The following REEP3 variants were observed in gnomAD, a reference collection of about 807,000 sequenced individuals.
The protein encoded by REEP3 is receptor expression-enhancing protein 3.
Under a neutral mutation model 41.3 loss-of-function variants are expected in REEP3, and 20 were observed. The ratio of observed to expected loss-of-function variants is 0.48; its 90% confidence interval spans 0.34 to 0.70. The LOEUF is 0.70. REEP3 is among the 30% of genes least tolerant of loss of function. REEP3 has a pLI of 0.01. For missense variants in REEP3, 271 were observed against 308.8 expected (o/e 0.88, Z 0.92); for synonymous variants, 104 against 101.8 (o/e 1.02, Z -0.13).
At chr10:63,547,262 TG>T (rs1460462925) in intron 1 of REEP3, among the ~76,000 whole-genome samples, 1 of 152,054 alleles carries the variant, frequency 6.6e-6, no homozygotes, top group East Asian at 1.9e-4. Context: ...ACCTTAAACA[TG>T]ATACAGAAAA....
intron 2 of REEP3, among the ~76,000 whole-genome samples, chr10:63,570,023 T>G (rs1386574732): frequency 1.3e-5 from 2 of 152,172 alleles, no homozygotes; most frequent in Non-Finnish European, 1.5e-5. Flanking sequence ...TTCAATTTTG[T>G]TAATATTAAT....
Position 63,620,860 on chromosome 10 carries a change from G to T in REEP3, c.759G>T (p.Val253=), listed in dbSNP as rs543247723. 6.2e-7 allele frequency: 1 copy of T among 1,605,432 alleles called. No individual in the cohort carries two copies. Among genetic ancestry groups the T allele is most frequent in the Admixed American group, 1.7e-5 (1 of 59,716 alleles). The stretch of plus-strand genomic sequence containing the variant: ...ACAAAGTGAAGAAACGACCACAAGT[G>T]TATTTTTAGTCATCTACACGTCAAA... ...LKYKVKKRPQ[V]YF Residue 253 remains valine (V), a synonymous_variant, in exon 8 of 8, where the codon GTG becomes GTT. Transcript: ENST00000373758.
At chr10:63,560,386 T>G (rs1397350072) in intron 1 of REEP3, among the ~76,000 whole-genome samples, 1 of 152,212 alleles carries the variant, frequency 6.6e-6, no homozygotes, top group Non-Finnish European at 1.5e-5. Flanking sequence ...TATATCAGAC[T>G]TGTTTGGTTA....
At chr10:63,614,862 G>A (rs1956301049) in intron 6 of REEP3, among the ~76,000 whole-genome samples, 2 of 152,122 alleles carry the variant, frequency 1.3e-5, no homozygotes, top group Admixed American at 1.3e-4. Flanking sequence ...ATTCCCTTTA[G>A]CTCAGCAAGA....
rs1956150083 is a variant in REEP3, at chr10:63,599,250, T to A, written c.384T>A (p.Leu128=). ...ACTTTGGACGGCAAGGTTTAAACCT[T>A]GCAGCTACTGCTGCTGTTACTGCAG... The part of the protein sequence containing the change: ...MVNFGRQGLN[L]AATAAVTAAV... The change falls in exon 5 of 8, where the codon CTT becomes CTA. Residue 128 remains leucine, a synonymous_variant. Transcript: ENST00000373758. 3.2e-6 allele frequency: 5 copies of A among 1,564,926 alleles called. No homozygotes were observed. Among genetic ancestry groups the A allele is most frequent in the Non-Finnish European group, 4.3e-6 (5 of 1,156,182 alleles).
At chr10:63,619,617 C>A in intron 6 of REEP3, 38 bp from the exon 7 acceptor site, 1 of 1,571,518 alleles carries the variant, frequency 6.4e-7, no homozygotes, top group East Asian at 2.3e-5. Flanking sequence ...GACTGGTGTC[C>A]TTTTACCAAA....
chr10:63,604,775 A>T (rs1956208173), intron 5 of REEP3, among the ~76,000 whole-genome samples: 1 of 152,106 alleles, frequency 6.6e-6, no homozygotes, highest in African/African-American at 2.4e-5. Flanking sequence ...GTTAATCTGG[A>T]TTTTTTTTAG....
intron 1 of REEP3, among the ~76,000 whole-genome samples, chr10:63,549,567 GAGAAAAGCTGCTGATCTAAGTAAC>G (rs1955609095): frequency 6.6e-6 from 1 of 152,158 alleles, no homozygotes; most frequent in South Asian, 2.1e-4. Flanking sequence ...AGGGAATAGA[GAGAAAAGCTGCTGATCTAAGTAAC>G]TTTGGAAATG....
chr10:63,610,197 C>A lies in REEP3; in HGVS notation c.428C>A (p.Ala143Glu). The A allele has an allele frequency of 6.2e-7, 1 of 1,609,920 alleles. No homozygotes were observed. The highest frequency in any genetic ancestry group is 8.5e-7 in the Non-Finnish European group (1 of 1,177,832). ...AVTAAVKSQG[A>E]ITERLRSFSM... ...TTCTCTGTTAAATAGAGCCAAGGAG[C>A]AATAACTGAACGTTTAAGAAGCTTC... is the stretch of plus-strand genomic sequence containing the variant. The change falls in exon 6 of 8, where the codon GCA becomes GAA. Residue 143 changes from alanine to glutamate, a missense_variant. Coordinates refer to ENST00000373758, the MANE Select transcript of REEP3 (RefSeq NM_001001330.3).
intron 1 of REEP3, chr10:63,563,106 A>G (rs751873346): frequency 2.1e-5 from 9 of 419,574 alleles, no homozygotes; most frequent in African/African-American, 8.3e-5. Flanking sequence ...AAATCTGCCA[A>G]CGTTTTGGTC....
chr10:63,523,807 TG>T (rs1251148998), intron 1 of REEP3, among the ~76,000 whole-genome samples: 1 of 152,168 alleles, frequency 6.6e-6, no homozygotes, highest in Non-Finnish European at 1.5e-5. Flanking sequence ...AAAGGTAGCC[TG>T]GGGCCTGTTT....
At chr10:63,525,602 A>G (rs1014109675) in intron 1 of REEP3, among the ~76,000 whole-genome samples, 1 of 152,246 alleles carries the variant, frequency 6.6e-6, no homozygotes, top group South Asian at 2.1e-4. Context: ...TATTTTTAGT[A>G]GAGACGGGGT....
intron 1 of REEP3, among the ~76,000 whole-genome samples, chr10:63,531,389 A>G (rs1037295318): frequency 6.6e-6 from 1 of 152,204 alleles, no homozygotes; most frequent in Non-Finnish European, 1.5e-5. Flanking sequence ...AGCATCCACC[A>G]GTTGTGACAG....
At chr10:63,607,060 G>T (rs970296859) in intron 5 of REEP3, among the ~76,000 whole-genome samples, 1 of 152,174 alleles carries the variant, frequency 6.6e-6, no homozygotes, top group African/African-American at 2.4e-5. Flanking sequence ...GAAGGAATAA[G>T]GTAGTCTTCA....
intron 5 of REEP3, among the ~76,000 whole-genome samples, chr10:63,608,241 A>C (rs1956246531): frequency 6.6e-6 from 1 of 152,248 alleles, no homozygotes; most frequent in African/African-American, 2.4e-5. Context: ...ATAATAAATT[A>C]ATCCATGCCA....
At chr10:63,537,029 G>T (rs901556479) in intron 1 of REEP3, among the ~76,000 whole-genome samples, 1 of 152,116 alleles carries the variant, frequency 6.6e-6, no homozygotes, top group Non-Finnish European at 1.5e-5. Context: ...AAGAAATTTG[G>T]CATATGCATC....
At chr10:63,617,157 C>T (rs926446951) in intron 6 of REEP3, among the ~76,000 whole-genome samples, 3 of 152,110 alleles carry the variant, frequency 2.0e-5, no homozygotes, top group African/African-American at 4.8e-5. Flanking sequence ...TTCTTCCACC[C>T]GGAACACACA....
intron 1 of REEP3, among the ~76,000 whole-genome samples, chr10:63,545,707 A>T (rs1348203430): frequency 2.8e-3 from 87 of 30,568 alleles, no homozygotes; most frequent in East Asian, 6.5e-3. Flanking sequence ...TTTTTTTTTG[A>T]GATGGAGTCT....
intron 1 of REEP3, among the ~76,000 whole-genome samples, chr10:63,538,838 G>C (rs1382655698): frequency 6.6e-6 from 1 of 152,168 alleles, no homozygotes; most frequent in Non-Finnish European, 1.5e-5. Context: ...GGGGTGATCT[G>C]GCTAAGACAT....
Sources: allele counts gnomAD v4.1 joint callset (sites outside exome capture counted in the v4.1 genomes callset), GRCh38; gene constraint gnomAD v4.1.1; transcripts MANE v1.5; gene names NCBI Gene and HGNC (gene_info 2026-07-23, HGNC 2026-07-21).